Variants in MYO5A observed in about 807,000 individuals in gnomAD.
MYO5A encodes myosin VA.
MYO5A carries 98 observed loss-of-function variants against 249.7 expected under a neutral mutation model. The ratio of observed to expected loss-of-function variants is 0.39; its 90% CI spans 0.33 to 0.46. MYO5A has a LOEUF of 0.46. MYO5A is among the 20% of genes least tolerant of loss of function. The pLI, the probability that MYO5A is intolerant of heterozygous loss-of-function variation, is 0.98. For synonymous variants in MYO5A, 778 were observed against 810.6 expected, an observed-to-expected ratio of 0.96 and a Z score of 0.68; for missense variants, 1,696 against 2,308.8, an observed-to-expected ratio of 0.73 and a Z score of 5.44.
intron 1 of MYO5A, among the ~76,000 whole-genome samples, chr15:52,459,943 CAG>C (rs989109786): frequency 1.3e-5 from 2 of 149,746 alleles, no homozygotes; most frequent in African/African-American, 5.0e-5. Context: ...GGCGGCCGGT[CAG>C]AGACGCTCCT....
intron 9 of MYO5A, 70 bp from the exon 10 acceptor site, chr15:52,397,536 CAAAGA>C: frequency 6.4e-7 from 1 of 1,553,030 alleles, no homozygotes; most frequent in East Asian, 2.2e-5. Context: ...AAAATGTTAA[CAAAGA>C]GTTAACAAAT....
chr15:52,312,446 C>T lies in MYO5A; in HGVS notation c.*1250G>A, dbSNP rs2037809762. ...GGTTCGATCTCATTGCAATCTCCGCCTCCCAGGTTTAATCGATTCTCGTGC... is the reference window on the plus strand; with the variant it reads ...GGTTCGATCTCATTGCAATCTCCGCTTCCCAGGTTTAATCGATTCTCGTGC... On this transcript the variant is annotated 3_prime_UTR_variant, in exon 42 of 42. Coordinates refer to ENST00000399233, the MANE Select transcript of MYO5A (RefSeq NM_001382347.1). 1 of 152,168 alleles carries T rather than the reference C, an allele frequency of 6.6e-6. No individual in the cohort carries two copies. Among genetic ancestry groups the T allele is most frequent in the Non-Finnish European group, 1.5e-5 (1 of 68,030 alleles). The allele number at this position is 152,168 out of a possible 1,614,324, so 9.4% of individuals were successfully genotyped here.
chr15:52,467,079 C>A (rs1167400704), intron 1 of MYO5A, among the ~76,000 whole-genome samples: 1 of 152,220 alleles, frequency 6.6e-6, no homozygotes, highest in Non-Finnish European at 1.5e-5. Flanking sequence ...ATCATAGTCA[C>A]ATCTTCAGAT....
At chr15:52,383,026 C>T in intron 16 of MYO5A, 65 bp downstream of exon 16, 20 of 1,358,768 alleles carry the variant, frequency 1.5e-5, no homozygotes, top group Non-Finnish European at 1.8e-5. Flanking sequence ...TATTAGTTTG[C>T]TTGGCTGGTT....
chr15:52,384,887 A>G (rs1285176465), intron 14 of MYO5A, among the ~76,000 whole-genome samples: 2 of 152,264 alleles, frequency 1.3e-5, no homozygotes, highest in African/African-American at 4.8e-5. Flanking sequence ...AAAGTTATGA[A>G]TAATAATTTT....
rs374975383 is a variant in MYO5A, at chr15:52,351,389, G to A, written c.3714C>T (p.Thr1238=). The A allele has an allele frequency of 7.4e-6, 12 of 1,613,978 alleles. No individual in the cohort carries two copies. Among genetic ancestry groups the A allele is most frequent in the African/African-American group, 4.0e-5 (3 of 74,910 alleles). ...ALSEKSAPEV[T]APGAPAYRVL... is the part of the protein sequence containing the mutation. ...CACGGTAGGCAGGTGCACCTGGGGC[G>A]GTCACCTCTGGGGCACTTTTCTCAC... Residue 1238 remains threonine, a synonymous_variant, in exon 28 of 42, where the codon ACC becomes ACT. Transcript: ENST00000399233.
At chr15:52,374,003 C>T (rs2041270393) in intron 20 of MYO5A, among the ~76,000 whole-genome samples, 1 of 151,308 alleles carries the variant, frequency 6.6e-6, no homozygotes, top group South Asian at 2.1e-4. Flanking sequence ...TAGGTCACAC[C>T]CATATACTGT....
At chr15:52,364,808 A>G (rs998244016) in intron 23 of MYO5A, 106 bp from the exon 24 acceptor site, 2 of 1,308,428 alleles carry the variant, frequency 1.5e-6, no homozygotes, top group East Asian at 2.3e-5. Context: ...TTTTACTTTT[A>G]GTATCACTGT....
chr15:52,392,158 T>C (rs1220764191), intron 11 of MYO5A, 88 bp from the exon 12 acceptor site: 2 of 1,338,010 alleles, frequency 1.5e-6, no homozygotes, highest in African/African-American at 2.9e-5. Flanking sequence ...TTTGAGATAA[T>C]CTGTGGCTTT....
chr15:52,489,381 A>G (rs1164373310), intron 1 of MYO5A, among the ~76,000 whole-genome samples: 1 of 152,022 alleles, frequency 6.6e-6, no homozygotes, highest in East Asian at 1.9e-4. Flanking sequence ...TGATTAACAC[A>G]GTGAAACCCC....
chr15:52,314,057 T>C (rs2037873088), intron 41 of MYO5A, 66 bp downstream of exon 41: 2 of 1,417,288 alleles, frequency 1.4e-6, no homozygotes, highest in South Asian at 2.3e-5. Context: ...TATCCTTCAA[T>C]AAATTACAAA....
chr15:52,424,598 C>G (rs1051763214), intron 4 of MYO5A, among the ~76,000 whole-genome samples: 1 of 152,084 alleles, frequency 6.6e-6, no homozygotes, highest in Non-Finnish European at 1.5e-5. Context: ...TGAAATAATT[C>G]TAAAATTCTG....
chr15:52,505,904 G>C lies in MYO5A; in HGVS notation c.27+22876C>G, dbSNP rs1014708570. On this transcript the variant is annotated intron_variant, in intron 1 of 41. Coordinates refer to ENST00000399233, the MANE Select transcript of MYO5A (RefSeq NM_001382347.1). ...ATGGCATTTAAATAAAAGCTTGAAA[G>C]ATTAAAAAAAAAATTTTTCAGACTC... The C allele has an allele frequency of 2.6e-6, 4 of 1,530,226 alleles. No individual in the cohort carries two copies. The African/African-American group carries it at 4.2e-5, about 16-fold the overall frequency. 94.8% of individuals were successfully genotyped at this position (1,530,226 alleles called of 1,614,324 possible).
chr15:52,367,006 C>A lies in MYO5A; in HGVS notation c.3160+25G>T, dbSNP rs372165692. 1.8e-5 allele frequency: 28 copies of A among 1,579,028 alleles called. No individual in the cohort carries two copies. The African/African-American group carries it at 3.8e-4, about 21-fold the overall frequency. On this transcript the variant is annotated intron_variant, in intron 23 of 41. Transcript: ENST00000399233. ...ATAACTTTGGTGTGAGGTTGGTTGGCGTGTAGTACGCATATAAGCTTTACC... is the reference window on the plus strand; with the variant it reads ...ATAACTTTGGTGTGAGGTTGGTTGGAGTGTAGTACGCATATAAGCTTTACC...
At chr15:52,412,006 C>T (rs1381712327) in intron 5 of MYO5A, among the ~76,000 whole-genome samples, 3 of 152,208 alleles carry the variant, frequency 2.0e-5, no homozygotes, top group Non-Finnish European at 4.4e-5. Flanking sequence ...CAAAACACCA[C>T]AGCAAAAAGT....
intron 1 of MYO5A, among the ~76,000 whole-genome samples, chr15:52,502,601 A>G (rs575943652): frequency 6.6e-6 from 1 of 152,332 alleles, no homozygotes; most frequent in East Asian, 1.9e-4. Flanking sequence ...AAGGCCAGCC[A>G]TTTCCAAAAC....
chr15:52,471,463 A>C (rs1042231871), intron 1 of MYO5A, among the ~76,000 whole-genome samples: 20 of 151,752 alleles, frequency 1.3e-4, no homozygotes, highest in African/African-American at 4.1e-4. Context: ...AAGAAAAAGG[A>C]AATCTGTTTA....
In MYO5A at chr15:52,346,354, A is replaced by G; in HGVS notation, c.3959+7T>C. 1 of 1,528,376 alleles carries G rather than the reference A, an allele frequency of 6.5e-7. No individual in the cohort carries two copies. The highest frequency in any genetic ancestry group is 9.1e-7 in the Non-Finnish European group (1 of 1,104,494). 94.7% of individuals were successfully genotyped at this position (1,528,376 alleles called of 1,614,324 possible). A position where few individuals can be genotyped will look rare whatever the true frequency, so the allele number is the denominator to read the frequency against. The stretch of plus-strand genomic sequence containing the variant: ...AACCAAAATGAATAAAAGAAGGATC[A>G]ACTTACCTATTTGTTTCTTTCAAAC... On this transcript the variant is annotated splice_region_variant and intron_variant, in intron 30 of 41. Transcript: ENST00000399233.
intron 2 of MYO5A, among the ~76,000 whole-genome samples, chr15:52,432,241 T>C (rs1288482805): frequency 6.6e-6 from 1 of 152,278 alleles, no homozygotes; most frequent in Admixed American, 6.5e-5. Context: ...CGATATTTGC[T>C]GCAGGCAAGA....
Sources: gnomAD v4.1 joint callset for allele counts (sites outside exome capture counted in the v4.1 genomes callset) on GRCh38, gnomAD v4.1.1 for gene constraint, MANE v1.5 for transcripts, NCBI Gene and HGNC (gene_info 2026-07-23, HGNC 2026-07-21) for gene names.